Variants in CDS1 observed in about 807,000 individuals in gnomAD.
The protein encoded by CDS1 is phosphatidate cytidylyltransferase 1.
A neutral mutation model predicts 62.1 loss-of-function variants in CDS1; 41 were observed. That is an observed-to-expected ratio of 0.66 (90% CI 0.51 to 0.86). The LOEUF (loss-of-function observed/expected upper bound fraction) is 0.86, where lower values mean the gene tolerates loss of function less well. CDS1 is among the 40% of genes least tolerant of loss of function. The pLI is 0.00. For synonymous variants in CDS1, 185 were observed against 192.6 expected (o/e 0.96, Z 0.32); for missense variants, 470 against 550.1 (o/e 0.85, Z 1.46).
chr4:84,613,096 ATATATT>A (rs1723378053), intron 3 of CDS1, among the ~76,000 whole-genome samples: 1 of 151,702 alleles, frequency 6.6e-6, no homozygotes, highest in Non-Finnish European at 1.5e-5. Context: ...ATATATATAT[ATATATT>A]ATGTTTTTAT....
At chr4:84,617,526 A>T (rs1424266520) in intron 3 of CDS1, 38 bp from the exon 4 acceptor site, 1 of 1,023,240 alleles carries the variant, frequency 9.8e-7, no homozygotes, top group Admixed American at 1.8e-5. Flanking sequence ...AAATGTAAAC[A>T]TTGAGAAATG....
chr4:84,614,989 G>A (rs1260124864), intron 3 of CDS1, among the ~76,000 whole-genome samples: 1 of 152,172 alleles, frequency 6.6e-6, no homozygotes, highest in East Asian at 1.9e-4. Context: ...AGTAAAACTG[G>A]TCTGACGGTA....
At chr4:84,599,094 A>T (rs1271453971) in intron 1 of CDS1, among the ~76,000 whole-genome samples, 1 of 152,116 alleles carries the variant, frequency 6.6e-6, no homozygotes, top group Non-Finnish European at 1.5e-5. Flanking sequence ...ATTTCTTATA[A>T]ATCTGGAGGC....
At chr4:84,606,542 G>A (rs1478342718) in intron 2 of CDS1, among the ~76,000 whole-genome samples, 1 of 152,066 alleles carries the variant, frequency 6.6e-6, no homozygotes, top group Non-Finnish European at 1.5e-5. Context: ...TGGGCATTTA[G>A]TATATTACTA....
chr4:84,583,626 C>A (rs1354343831), intron 1 of CDS1, 108 bp downstream of exon 1: 14 of 621,652 alleles, frequency 2.3e-5, no homozygotes, highest in Admixed American at 7.3e-5. Context: ...TGAGGCTGCA[C>A]GCTGCCGGTG....
In CDS1 at chr4:84,583,514, A is replaced by G. The variant is rs1231095755; in HGVS notation, c.113A>G (p.Asp38Gly). ...GACCACGAAACCGAGAGCACCAGCG[A>G]CAAAGTAAGTGGAGCCGAGAGAGGC... The part of the protein sequence containing the change: ...GGDHETESTS[D>G]KETDIDDRYG... Residue 38 changes from aspartate (D) to glycine (G), a missense_variant, in exon 1 of 13, where the codon GAC (aspartate) becomes GGC (glycine). Physicochemically the swap from Asp to Gly is moderately conservative, Grantham distance 94 (BLOSUM62 -1). Coordinates refer to ENST00000295887, the MANE Select transcript of CDS1 (RefSeq NM_001263.4). The G allele has an allele frequency of 3.3e-6, 5 of 1,521,192 alleles. No individual in the cohort carries two copies. The African/African-American group carries it at 5.7e-5, about 17-fold the overall frequency. 94.2% of individuals were successfully genotyped at this position (1,521,192 alleles called of 1,614,324 possible).
chr4:84,613,722 G>A (rs1484474561), intron 3 of CDS1, among the ~76,000 whole-genome samples: 1 of 152,264 alleles, frequency 6.6e-6, no homozygotes, highest in East Asian at 1.9e-4. Flanking sequence ...TGTATTCACA[G>A]CTTAGAATCA....
chr4:84,644,130 G>T (rs1724479866), intron 11 of CDS1, among the ~76,000 whole-genome samples: 1 of 152,178 alleles, frequency 6.6e-6, no homozygotes, highest in Admixed American at 6.5e-5. Context: ...TACGGGGTCA[G>T]GGAATAAGTG....
intron 6 of CDS1, among the ~76,000 whole-genome samples, chr4:84,632,715 C>T (rs1452087565): frequency 2.6e-5 from 4 of 152,114 alleles, no homozygotes; most frequent in Non-Finnish European, 5.9e-5. Flanking sequence ...TTAATTAATG[C>T]ATTTTTAAGC....
At chr4:84,618,161 T>C (rs1183966388) in intron 4 of CDS1, among the ~76,000 whole-genome samples, 1 of 152,192 alleles carries the variant, frequency 6.6e-6, no homozygotes, top group Non-Finnish European at 1.5e-5. Flanking sequence ...ATCATTGCTC[T>C]CAGAACCTTG....
In CDS1 at chr4:84,636,058, C is replaced by T. The variant is rs540022823; in HGVS notation, c.810+707C>T. 5.0e-3 allele frequency among the ~76,000 whole-genome samples: 762 copies of T among 152,030 alleles called. 5 individuals carry two copies. The highest frequency in any genetic ancestry group is 0.018 in the African/African-American group (729 of 41,482). On this transcript the variant is annotated intron_variant, in intron 8 of 12. Coordinates refer to ENST00000295887, the MANE Select transcript of CDS1 (RefSeq NM_001263.4). ...AGGCGTGAGCCACCGCCCCTGGGCT[C>T]TGTGGTTTTTTCTCTCGGCCATTGG... is the stretch of plus-strand genomic sequence containing the variant.
chr4:84,609,645 T>G (rs991069862), intron 3 of CDS1, 120 bp downstream of exon 3: 2 of 644,030 alleles, frequency 3.1e-6, no homozygotes, highest in Admixed American at 5.6e-5. Context: ...CACAGAATAT[T>G]TAGTTCCTTT....
chr4:84,609,385 ACCTT>A (rs1723243827), intron 2 of CDS1, 40 bp from the exon 3 acceptor site: 1 of 1,265,984 alleles, frequency 7.9e-7, no homozygotes, highest in African/African-American at 1.5e-5. Flanking sequence ...CACACAAAAA[ACCTT>A]AAGAACACGT....
intron 5 of CDS1, among the ~76,000 whole-genome samples, chr4:84,622,451 G>T (rs938264010): frequency 6.6e-6 from 1 of 152,058 alleles, no homozygotes; most frequent in Non-Finnish European, 1.5e-5. Flanking sequence ...AAATTAGCCG[G>T]GTGCGGTGGC....
At chr4:84,590,747 A>G (rs779864674) in intron 1 of CDS1, among the ~76,000 whole-genome samples, 10 of 152,226 alleles carry the variant, frequency 6.6e-5, no homozygotes, top group Non-Finnish European at 1.3e-4. Flanking sequence ...TTTAAAGGCA[A>G]AAAGGAACAG....
At chr4:84,619,672 C>T (rs956092173) in intron 5 of CDS1, 139 bp downstream of exon 5, 6 of 515,246 alleles carry the variant, frequency 1.2e-5, no homozygotes, top group African/African-American at 9.9e-5. Context: ...GTGTATAAAG[C>T]TATTTCTTTC....
In CDS1 at chr4:84,650,524, T is replaced by C. The variant is rs1724700554; in HGVS notation, c.*1838T>C. 1 of 152,194 alleles carries C rather than the reference T, an allele frequency of 6.6e-6. No homozygotes were observed. The highest frequency in any genetic ancestry group is 2.1e-4 in the South Asian group (1 of 4,836). 9.4% of individuals were successfully genotyped at this position (152,194 alleles called of 1,614,324 possible). ...ATAAAATGAAAATTTTATAAGAACT[T>C]ACATTAAAAACTCAGTAGTTTGCAT... On this transcript the variant is annotated 3_prime_UTR_variant, in exon 13 of 13. Transcript: ENST00000295887.
In CDS1 at chr4:84,633,921, T is replaced by C. The variant is rs1481643303; in HGVS notation, c.704T>C (p.Leu235Pro). Residue 235 changes from leucine (L) to proline (P), a missense_variant, in exon 7 of 13, where the codon CTG becomes CCG. Transcript: ENST00000295887. ...CAGTCACACCTTGTCATCCAAAATCTGTTTGAAGGCATGATATGGTAAGGC... is the reference window on the plus strand; with the variant it reads ...CAGTCACACCTTGTCATCCAAAATCCGTTTGAAGGCATGATATGGTAAGGC... ...VTQSHLVIQN[L>P]FEGMIWFLVP... 6 of 1,603,130 alleles carry C rather than the reference T, an allele frequency of 3.7e-6. No homozygotes were observed. The highest frequency in any genetic ancestry group is 8.5e-7 in the Non-Finnish European group (1 of 1,173,422).
chr4:84,601,376 T>C (rs1226137603), intron 1 of CDS1, among the ~76,000 whole-genome samples: 1 of 152,044 alleles, frequency 6.6e-6, no homozygotes, highest in Non-Finnish European at 1.5e-5. Context: ...AGCATTTTGA[T>C]GTGGAAGAGA....
Sources: gnomAD v4.1 joint callset for allele counts (sites outside exome capture counted in the v4.1 genomes callset) on GRCh38, gnomAD v4.1.1 for gene constraint, MANE v1.5 for transcripts, NCBI Gene and HGNC (gene_info 2026-07-23, HGNC 2026-07-21) for gene names.